The following LARGE1 variants were observed in gnomAD, a reference collection of about 807,000 sequenced individuals.
LARGE1 encodes the protein LARGE xylosyl- and glucuronyltransferase 1.
Under a neutral mutation model 87.6 loss-of-function variants are expected in LARGE1, and 43 were observed. The ratio of observed to expected loss-of-function variants is 0.49; its 90% CI spans 0.38 to 0.63. The LOEUF (loss-of-function observed/expected upper bound fraction) is 0.63, where lower values mean the gene tolerates loss of function less well. LARGE1 is among the 30% of genes least tolerant of loss of function. The pLI, the probability that LARGE1 is intolerant of heterozygous loss-of-function variation, is 0.00. For synonymous variants in LARGE1, 434 were observed against 394.6 expected, an observed-to-expected ratio of 1.10 and a Z score of -1.18; for missense variants, 802 against 1,000.2, an observed-to-expected ratio of 0.80 and a Z score of 2.67.
chr22:33,149,090 T>C, the LARGE1 span, among the ~76,000 whole-genome samples: 1 of 150,978 alleles, frequency 6.6e-6, no homozygotes, highest in African/African-American at 2.4e-5. Context: ...CAGGCTGCAG[T>C]GCAGTGGCGC....
intron 1 of LARGE1, among the ~76,000 whole-genome samples, chr22:33,838,353 A>G (rs1052429468): frequency 6.6e-6 from 1 of 152,212 alleles, no homozygotes; most frequent in African/African-American, 2.4e-5. Flanking sequence ...TGTTTTAAAA[A>G]ATTGGACAGG....
At chr22:33,803,220 G>T (rs2086216024) in intron 1 of LARGE1, among the ~76,000 whole-genome samples, 1 of 152,012 alleles carries the variant, frequency 6.6e-6, no homozygotes, top group Non-Finnish European at 1.5e-5. Context: ...TGTTCTAGGG[G>T]TTCTGCTTCT....
the LARGE1 span, chr22:33,110,707 G>A: frequency 1.3e-5 from 2 of 152,004 alleles, no homozygotes; most frequent in Admixed American, 1.3e-4. Context: ...CCAAACTGGG[G>A]CTACTCCCCA....
chr22:33,176,509 G>A (rs1377651083), intron 11 of LARGE1, among the ~76,000 whole-genome samples: 1 of 152,016 alleles, frequency 6.6e-6, no homozygotes, highest in Admixed American at 6.6e-5. Flanking sequence ...TATGAATAGA[G>A]ACTTTTCAAA....
chr22:33,719,624 A>T (rs1171394067), intron 2 of LARGE1, among the ~76,000 whole-genome samples: 2 of 151,670 alleles, frequency 1.3e-5, no homozygotes, highest in Non-Finnish European at 2.9e-5. Context: ...AGATTCAAGC[A>T]ATTCTCCTGC....
In LARGE1 at chr22:33,849,592, C is replaced by CTTTTT. The variant is rs71187287; in HGVS notation, c.-83+70398_-83+70402dup. Reference sequence around the variant, plus strand: ...CTTTAGTTCTTTTTTCTTTTCTTCTCTTTTTTTTTTTTTTTTTTTTTTTTG... The same window carrying CTTTTT: ...CTTTAGTTCTTTTTTCTTTTCTTCTCTTTTTTTTTTTTTTTTTTTTTTTTTTTTTG... On this transcript the variant is annotated intron_variant, in intron 1 of 14. Coordinates refer to ENST00000397394, the MANE Select transcript of LARGE1 (RefSeq NM_133642.5). Among the ~76,000 whole-genome samples, 433 of 88,570 alleles carry CTTTTT rather than the reference C, an allele frequency of 4.9e-3. 6 individuals are homozygous for CTTTTT. Among genetic ancestry groups the CTTTTT allele is most frequent in the African/African-American group, 0.014 (297 of 21,146 alleles). 58.1% of individuals were successfully genotyped at this position (88,570 alleles called of 152,430 possible).
intron 11 of LARGE1, among the ~76,000 whole-genome samples, chr22:33,177,471 T>C (rs1213873647): frequency 6.6e-6 from 1 of 152,158 alleles, no homozygotes; most frequent in South Asian, 2.1e-4. Flanking sequence ...TAAATCTAGA[T>C]GCAGACTTTG....
chr22:33,540,209 T>C (rs1487818723), intron 6 of LARGE1, among the ~76,000 whole-genome samples: 4 of 152,146 alleles, frequency 2.6e-5, no homozygotes, highest in African/African-American at 7.2e-5. Flanking sequence ...GCTGAGAAAA[T>C]GGCATTTCTC....
At chr22:33,285,756 T>C (rs16992055) in intron 12 of LARGE1, among the ~76,000 whole-genome samples, 2,351 of 152,222 alleles carry the variant, frequency 0.015, 37 homozygotes, top group South Asian at 0.054. Flanking sequence ...AATCATACCA[T>C]AAGGAAGTGA....
At chr22:33,739,173 G>A (rs908121286) in intron 2 of LARGE1, among the ~76,000 whole-genome samples, 45 of 152,076 alleles carry the variant, frequency 3.0e-4, no homozygotes, top group African/African-American at 9.9e-4. Context: ...TGCCAGCCCT[G>A]GGCTCACTGG....
chr22:33,518,316 G>A (rs889848611), intron 6 of LARGE1, among the ~76,000 whole-genome samples: 1 of 152,220 alleles, frequency 6.6e-6, no homozygotes, highest in Non-Finnish European at 1.5e-5. Flanking sequence ...GCAAATGGCA[G>A]ACACAGGATT....
chr22:33,437,701 T>C (rs2090740848), intron 6 of LARGE1, among the ~76,000 whole-genome samples: 1 of 152,102 alleles, frequency 6.6e-6, no homozygotes, highest in South Asian at 2.1e-4. Flanking sequence ...GCTGAGACGT[T>C]GGTTCAGCTT....
At position 33,672,637 on chromosome 22, in the gene LARGE1, C is replaced by CAAAAA. The variant is rs145605425; in HGVS notation, c.107-21974_107-21970dup. Among the ~76,000 whole-genome samples the CAAAAA allele has an allele frequency of 4.5e-3, 680 of 152,296 alleles. 2 individuals are homozygous for CAAAAA. The highest frequency in any genetic ancestry group is 0.015 in the African/African-American group (632 of 41,564). Reference sequence around the variant, plus strand: ...AGACACATTCTCTAAACTGTTGGAACAAAAAGTAATATTTTGATCTCTTTC... The same window carrying CAAAAA: ...AGACACATTCTCTAAACTGTTGGAACAAAAAAAAAAGTAATATTTTGATCTCTTTC... On this transcript the variant is annotated intron_variant, in intron 2 of 14. Coordinates refer to ENST00000397394, the MANE Select transcript of LARGE1 (RefSeq NM_133642.5).
Position 33,640,665 on chromosome 22 carries a change from A to G in LARGE1, c.408+9702T>C, listed in dbSNP as rs377318081. Among the ~76,000 whole-genome samples the G allele has an allele frequency of 1.2e-4, 18 of 152,290 alleles. 1 individual carries two copies. The highest frequency in any genetic ancestry group is 3.8e-4 in the African/African-American group (16 of 41,562). On this transcript the variant is annotated intron_variant, in intron 3 of 14. Coordinates refer to ENST00000397394, the MANE Select transcript of LARGE1 (RefSeq NM_133642.5). ...AGCTGGTCCCACTCCCACAGAGCCC[A>G]GCAAGCTAAGAAACACTGGCTTGAA...
At chr22:33,389,882 C>A (rs1341469668) in intron 7 of LARGE1, among the ~76,000 whole-genome samples, 5 of 117,662 alleles carry the variant, frequency 4.2e-5, no homozygotes, top group African/African-American at 1.6e-4. Flanking sequence ...AACCAACCAA[C>A]CAACCAACCA....
intron 6 of LARGE1, among the ~76,000 whole-genome samples, chr22:33,544,009 T>TGTCC (rs1056291815): frequency 6.6e-6 from 1 of 152,248 alleles, no homozygotes; most frequent in Admixed American, 6.5e-5. Context: ...TCCTAGAGAA[T>TGTCC]GTCCACATAA....
In LARGE1 at chr22:33,680,360, A is replaced by C. The variant is rs373619608; in HGVS notation, c.107-29692T>G. Among the ~76,000 whole-genome samples the C allele has an allele frequency of 3.9e-5, 6 of 152,084 alleles. No individual in the cohort carries two copies. The East Asian group carries it at 5.8e-4, about 15-fold the overall frequency. ...GGTGCAGAAGAGGCTTTTGATGCAC[A>C]AATTTGTATTGATCAGGCTTTATTT... On this transcript the variant is annotated intron_variant, in intron 2 of 14. Transcript: ENST00000397394.
chr22:33,469,105 A>G (rs1315881520), intron 6 of LARGE1, among the ~76,000 whole-genome samples: 1 of 152,260 alleles, frequency 6.6e-6, no homozygotes, highest in African/African-American at 2.4e-5. Context: ...AAATTAGTTC[A>G]GCCACTGTGG....
chr22:33,350,745 C>T (rs1448409007), intron 9 of LARGE1, among the ~76,000 whole-genome samples: 5 of 152,160 alleles, frequency 3.3e-5, no homozygotes, highest in East Asian at 1.9e-4. Context: ...CCCGCATCAC[C>T]GCCCTTTGCA....
Sources: gnomAD v4.1 joint callset for allele counts (sites outside exome capture counted in the v4.1 genomes callset) on GRCh38, gnomAD v4.1.1 for gene constraint, MANE v1.5 for transcripts, NCBI Gene and HGNC (gene_info 2026-07-23, HGNC 2026-07-21) for gene names.